The following HCRTR2 variants were observed in gnomAD, a reference collection of about 807,000 sequenced individuals.
The protein encoded by HCRTR2 is hypocretin receptor 2.
A neutral mutation model predicts 49.0 loss-of-function variants in HCRTR2; 22 were observed. The ratio of observed to expected loss-of-function variants is 0.45; its 90% CI spans 0.32 to 0.64. The LOEUF (loss-of-function observed/expected upper bound fraction) is 0.64, where lower values mean the gene tolerates loss of function less well. Ranked by LOEUF, HCRTR2 falls within the 30% of genes least tolerant of loss-of-function variation. The probability of loss-of-function intolerance (pLI) is 0.04; values close to 1 mark genes in which losing one functional copy is unlikely to be tolerated. For missense variants in HCRTR2, 491 were observed against 559.4 expected (o/e 0.88, Z 1.23); for synonymous variants, 236 against 205.3 (o/e 1.15, Z -1.28).
intron 1 of HCRTR2, among the ~76,000 whole-genome samples, chr6:55,163,491 T>C (rs1309837646): frequency 2.0e-5 from 3 of 152,178 alleles, no homozygotes; most frequent in Non-Finnish European, 4.4e-5. Flanking sequence ...AACTCTCTGA[T>C]TTTTGACAAA....
At chr6:55,212,058 A>G (rs746002005) in intron 1 of HCRTR2, among the ~76,000 whole-genome samples, 5 of 152,218 alleles carry the variant, frequency 3.3e-5, no homozygotes, top group Non-Finnish European at 5.9e-5. Context: ...ACACACACAC[A>G]TACATACAAA....
chr6:55,136,566 TAATC>T (rs1764436712), intron 1 of HCRTR2, among the ~76,000 whole-genome samples: 1 of 152,226 alleles, frequency 6.6e-6, no homozygotes, highest in African/African-American at 2.4e-5. Flanking sequence ...TTGATTTTCC[TAATC>T]ATTCTTTCAA....
downstream of HCRTR2, among the ~76,000 whole-genome samples, chr6:55,283,647 T>G (rs1767235996): frequency 6.6e-6 from 1 of 152,162 alleles, no homozygotes; most frequent in Non-Finnish European, 1.5e-5. Flanking sequence ...ATTCAAATAT[T>G]TACTTGAAAA....
At position 55,108,201 on chromosome 6, in the gene HCRTR2, G is replaced by T. The variant is rs548838987; in HGVS notation, c.-378+1656G>T. On this transcript the variant is annotated intron_variant, in intron 1 of 7. Coordinates refer to the HCRTR2 transcript ENST00000615358. ...GGCAACTTTTTTTATTGCTTCATAA[G>T]GAGATAAACTTTATACCCTTCAGAT... Among the ~76,000 whole-genome samples, 6 of 152,108 alleles carry T rather than the reference G, an allele frequency of 3.9e-5. No individual in the cohort carries two copies. The South Asian group carries it at 1.2e-3, about 32-fold the overall frequency.
At chr6:55,240,282 C>A (rs1581849788) in intron 1 of HCRTR2, among the ~76,000 whole-genome samples, 1 of 131,248 alleles carries the variant, frequency 7.6e-6, no homozygotes, top group Non-Finnish European at 1.5e-5. Flanking sequence ...GGCGTGAACC[C>A]GGGAGGCGGA....
intron 1 of HCRTR2, among the ~76,000 whole-genome samples, chr6:55,206,679 A>C (rs1243672220): frequency 1.3e-5 from 2 of 152,064 alleles, no homozygotes. Context: ...AACTAGATCA[A>C]AAATAAAGAA....
chr6:55,203,189 A>G (rs1765540704), intron 1 of HCRTR2, among the ~76,000 whole-genome samples: 1 of 152,160 alleles, frequency 6.6e-6, no homozygotes, highest in Admixed American at 6.5e-5. Context: ...GTATGAATGT[A>G]TATATATAAT....
chr6:55,121,890 G>A (rs186257547), intron 1 of HCRTR2, among the ~76,000 whole-genome samples: 34 of 151,952 alleles, frequency 2.2e-4, no homozygotes, highest in Non-Finnish European at 4.3e-4. Context: ...TTTTTGCATC[G>A]ATGTTCGTCA....
Position 55,174,547 on chromosome 6 carries a change from A to C in HCRTR2, c.-41A>C. 1 of 1,512,658 alleles carries C rather than the reference A, an allele frequency of 6.6e-7. No individual in the cohort carries two copies. Among genetic ancestry groups the C allele is most frequent in the Non-Finnish European group, 9.2e-7 (1 of 1,087,802 alleles). 93.7% of individuals were successfully genotyped at this position (1,512,658 alleles called of 1,614,324 possible). A position where few individuals can be genotyped will look rare whatever the true frequency, so the allele number is the denominator to read the frequency against. On this transcript the variant is annotated 5_prime_UTR_variant, in exon 1 of 7. Transcript: ENST00000370862. ...ACCAGTGCTCATGGGGCAGGCGGAG[A>C]GGAGCTTGCAGCATTGAGCGGAACC...
chr6:55,201,573 T>G (rs1202121516), intron 1 of HCRTR2, among the ~76,000 whole-genome samples: 3 of 152,164 alleles, frequency 2.0e-5, no homozygotes, highest in African/African-American at 7.2e-5. Flanking sequence ...AATATGTTTT[T>G]AAATGATAAG....
At chr6:55,139,130 T>C (rs1184612613) in intron 1 of HCRTR2, among the ~76,000 whole-genome samples, 3 of 152,018 alleles carry the variant, frequency 2.0e-5, no homozygotes, top group Non-Finnish European at 4.4e-5. Flanking sequence ...GAGAAGTAAA[T>C]GTGGCTATCC....
intron 1 of HCRTR2, among the ~76,000 whole-genome samples, chr6:55,150,312 C>T (rs1764647019): frequency 7.1e-6 from 1 of 141,098 alleles, no homozygotes; most frequent in Non-Finnish European, 1.5e-5. Context: ...CCTCCTTGTT[C>T]TTTCTTCTTA....
intron 1 of HCRTR2, among the ~76,000 whole-genome samples, chr6:55,220,599 A>T (rs572467940): frequency 1.3e-5 from 2 of 152,308 alleles, no homozygotes; most frequent in South Asian, 4.1e-4. Context: ...AACAGATAAC[A>T]TCATACTCAA....
chr6:55,112,786 A>C (rs1158227525), intron 1 of HCRTR2, among the ~76,000 whole-genome samples: 1 of 151,920 alleles, frequency 6.6e-6, no homozygotes, highest in Non-Finnish European at 1.5e-5. Flanking sequence ...ACTAGAAATA[A>C]AACCTTCAAT....
chr6:55,147,687 C>T (rs1764613778), intron 1 of HCRTR2, among the ~76,000 whole-genome samples: 1 of 152,122 alleles, frequency 6.6e-6, no homozygotes, highest in Non-Finnish European at 1.5e-5. Context: ...TTTGATACTT[C>T]TTCTTTTTAA....
chr6:55,245,197 A>C (rs1380662944), intron 1 of HCRTR2, among the ~76,000 whole-genome samples: 1 of 151,728 alleles, frequency 6.6e-6, no homozygotes, highest in African/African-American at 2.4e-5. Context: ...TGTGAAAACC[A>C]CACTTAAGAT....
intron 1 of HCRTR2, among the ~76,000 whole-genome samples, chr6:55,167,049 G>A (rs550551612): frequency 5.3e-5 from 8 of 152,254 alleles, no homozygotes; most frequent in African/African-American, 1.2e-4. Context: ...CAGTAGTTAT[G>A]AGGTTTCTGG....
At chr6:55,275,077 G>A (rs1487381479) in intron 4 of HCRTR2, among the ~76,000 whole-genome samples, 1 of 152,100 alleles carries the variant, frequency 6.6e-6, no homozygotes, top group Non-Finnish European at 1.5e-5. Context: ...TATTCATAAT[G>A]TTTTTAATGT....
chr6:55,126,658 G>A (rs981929688), intron 1 of HCRTR2, among the ~76,000 whole-genome samples: 19 of 152,162 alleles, frequency 1.2e-4, no homozygotes, highest in Non-Finnish European at 2.6e-4. Flanking sequence ...GAGCGGTCAG[G>A]CAGGGATATT....
Sources: allele counts gnomAD v4.1 joint callset (sites outside exome capture counted in the v4.1 genomes callset), GRCh38; gene constraint gnomAD v4.1.1; transcripts MANE v1.5; gene names NCBI Gene and HGNC (gene_info 2026-07-23, HGNC 2026-07-21).